Variants in FAR2 observed in about 807,000 individuals in gnomAD.
The protein encoded by FAR2 is epididymis secretory protein Li 81.
A neutral mutation model predicts 56.0 loss-of-function variants in FAR2; 19 were observed. That is an observed-to-expected ratio of 0.34 (90% CI 0.24 to 0.50). The LOEUF is 0.50. Among genes scored for constraint, FAR2 ranks in the 20% least tolerant of loss-of-function variants. The pLI is 0.98. For synonymous variants in FAR2, 219 were observed against 218.8 expected (o/e 1.00, Z -0.01); for missense variants, 508 against 642.2 (o/e 0.79, Z 2.26).
intron 1 of FAR2, among the ~76,000 whole-genome samples, chr12:29,257,521 C>A (rs189908079): frequency 1.3e-5 from 2 of 152,166 alleles, no homozygotes; most frequent in South Asian, 4.1e-4. Flanking sequence ...TTTGTTCTTT[C>A]GCTCTTTGCA....
At chr12:29,174,050 G>A (rs1949912788) in intron 1 of FAR2, among the ~76,000 whole-genome samples, 1 of 152,138 alleles carries the variant, frequency 6.6e-6, no homozygotes, top group Non-Finnish European at 1.5e-5. Flanking sequence ...CTTTACCCCT[G>A]TCCTGTAAAG....
chr12:29,277,267 C>T (rs1350004750), intron 2 of FAR2: 7 of 152,230 alleles, frequency 4.6e-5, no homozygotes, highest in Non-Finnish European at 8.8e-5. Context: ...TGAGCCATCA[C>T]GCCTGGCCAT....
At chr12:29,330,069 T>TTTA (rs892842242) in intron 10 of FAR2, among the ~76,000 whole-genome samples, 2 of 150,854 alleles carry the variant, frequency 1.3e-5, no homozygotes, top group African/African-American at 4.9e-5. Context: ...TTTTTTTTTT[T>TTTA]TTTTTGAGAC....
chr12:29,321,196 C>G (rs1949545400), intron 9 of FAR2, among the ~76,000 whole-genome samples: 1 of 151,904 alleles, frequency 6.6e-6, no homozygotes, highest in African/African-American at 2.4e-5. Flanking sequence ...ACCTCAGATC[C>G]TATCAACTTC....
intron 5 of FAR2, among the ~76,000 whole-genome samples, chr12:29,308,689 GACAC>G (rs57435586): frequency 0.065 from 8,873 of 137,282 alleles, 404 homozygotes; most frequent in Middle Eastern, 0.085. Context: ...CAGACACACA[GACAC>G]ACACACACAC....
At chr12:29,253,385 A>ATCTATATATCTATATCTATC (rs1948265654) in intron 1 of FAR2, among the ~76,000 whole-genome samples, 1 of 144,638 alleles carries the variant, frequency 6.9e-6, no homozygotes, top group Non-Finnish European at 1.5e-5. Context: ...CTAGATAGAT[A>ATCTATATATCTATATCTATC]GATAGATATC....
rs556212385 is a variant in FAR2, at chr12:29,178,467, C to A, written c.-39+29060C>A. On this transcript the variant is annotated intron_variant, in intron 1 of 11. Transcript: ENST00000536681. ...AAAATTAGTTCAGGCATGATGGTGC[C>A]TGTCTGTAGTTCCAGCTACCTGGGA... Among the ~76,000 whole-genome samples, 126 of 152,226 alleles carry A rather than the reference C, an allele frequency of 8.3e-4. 1 individual carries two copies. Among genetic ancestry groups the A allele is most frequent in the African/African-American group, 2.9e-3 (119 of 41,538 alleles).
chr12:29,232,138 C>A (rs553615955), intron 1 of FAR2, among the ~76,000 whole-genome samples: 60 of 152,280 alleles, frequency 3.9e-4, no homozygotes, highest in African/African-American at 1.3e-3. Flanking sequence ...CAAGACTGAA[C>A]TATTTGGTAG....
intron 1 of FAR2, among the ~76,000 whole-genome samples, chr12:29,266,862 C>G (rs561027815): frequency 2.0e-5 from 3 of 151,990 alleles, no homozygotes; most frequent in Non-Finnish European, 4.4e-5. Context: ...TTAGATCATA[C>G]CTTGCAAAAC....
At chr12:29,186,090 A>C (rs1950037121) in intron 1 of FAR2, among the ~76,000 whole-genome samples, 1 of 152,224 alleles carries the variant, frequency 6.6e-6, no homozygotes, top group South Asian at 2.1e-4. Flanking sequence ...ATTAATTTTG[A>C]TAGTATATTT....
intron 1 of FAR2, among the ~76,000 whole-genome samples, chr12:29,170,645 TTCTC>T (rs913695932): frequency 1.4e-4 from 21 of 151,190 alleles, no homozygotes; most frequent in South Asian, 4.2e-4. Context: ...GTCTCTCTCT[TTCTC>T]TCTCTCTCTG....
At chr12:29,267,964 T>A (rs1039565240) in intron 1 of FAR2, among the ~76,000 whole-genome samples, 1 of 152,238 alleles carries the variant, frequency 6.6e-6, no homozygotes, top group Non-Finnish European at 1.5e-5. Context: ...TCTGCTTTGT[T>A]CATCTGCGTG....
intron 1 of FAR2, among the ~76,000 whole-genome samples, chr12:29,241,478 C>T (rs538717991): frequency 6.6e-6 from 1 of 152,176 alleles, no homozygotes; most frequent in East Asian, 1.9e-4. Context: ...CAGTATTTTT[C>T]CCTTCTCTGC....
intron 1 of FAR2, among the ~76,000 whole-genome samples, chr12:29,227,131 C>T (rs912841647): frequency 3.3e-5 from 5 of 152,116 alleles, no homozygotes; most frequent in African/African-American, 1.2e-4. Flanking sequence ...TGTGGAGATG[C>T]TCTGTTTTCC....
chr12:29,165,626 T>C (rs1400021023), intron 1 of FAR2, among the ~76,000 whole-genome samples: 1 of 152,184 alleles, frequency 6.6e-6, no homozygotes, highest in Non-Finnish European at 1.5e-5. Flanking sequence ...AAAAGTAGCA[T>C]CATATTTGCC....
At chr12:29,280,758 A>T (rs1329730112) in intron 2 of FAR2, 1 of 152,194 alleles carries the variant, frequency 6.6e-6, no homozygotes, top group Non-Finnish European at 1.5e-5. Flanking sequence ...GACAATAAAA[A>T]ACTGTCAGTG....
intron 1 of FAR2, among the ~76,000 whole-genome samples, chr12:29,183,520 T>C (rs1950011283): frequency 6.6e-6 from 1 of 152,220 alleles, no homozygotes; most frequent in African/African-American, 2.4e-5. Context: ...GAAGTCTGAA[T>C]CTTAAGGGAG....
intron 1 of FAR2, among the ~76,000 whole-genome samples, chr12:29,160,461 T>C (rs1214169770): frequency 1.3e-5 from 2 of 152,308 alleles, no homozygotes; most frequent in Non-Finnish European, 2.9e-5. Flanking sequence ...CACCTTCACT[T>C]CCTGCTATAT....
intron 1 of FAR2, among the ~76,000 whole-genome samples, chr12:29,187,938 G>A (rs564426631): frequency 2.0e-5 from 3 of 152,218 alleles, no homozygotes; most frequent in African/African-American, 4.8e-5. Flanking sequence ...CTACATTTAC[G>A]AAAACAGGCT....
Sources: gnomAD v4.1 joint callset for allele counts (sites outside exome capture counted in the v4.1 genomes callset) on GRCh38, gnomAD v4.1.1 for gene constraint, MANE v1.5 for transcripts, NCBI Gene and HGNC (gene_info 2026-07-23, HGNC 2026-07-21) for gene names.